SPRYD4: variants seen among roughly 807,000 people sequenced by gnomAD.
SPRYD4 encodes the protein SPRY domain containing 4.
In SPRYD4, 12 loss-of-function variants were observed where a neutral mutation model predicts 16.6. The observed-to-expected ratio is 0.72, with a 90% confidence interval of 0.46 to 1.17. SPRYD4 has a LOEUF of 1.17. Among genes scored for constraint, SPRYD4 ranks in the 50% most tolerant of loss-of-function variants. The pLI is 0.00. For synonymous variants in SPRYD4, 98 were observed against 105.4 expected (o/e 0.93, Z 0.43); for missense variants, 260 against 260.2 (o/e 1.00, Z 0.00).
Position 56,469,440 on chromosome 12 carries a change from A to G in SPRYD4, c.487A>G (p.Ser163Gly), listed in dbSNP as rs764868234. The change falls in exon 2 of 2, where the codon AGC becomes GGC. Residue 163 changes from serine (S) to glycine (G), a missense_variant. Transcript: ENST00000338146. Reference protein sequence around the residue: ...LLLEYEAQKLSLVDVSQVSVV... With the variant: ...LLLEYEAQKLGLVDVSQVSVV... ...GCTGGAGTATGAGGCCCAGAAGCTG[A>G]GCCTGGTGGATGTGAGCCAGGTCTC... The G allele has an allele frequency of 1.9e-6, 3 of 1,613,810 alleles. No homozygotes were observed. Among genetic ancestry groups the G allele is most frequent in the Non-Finnish European group, 2.5e-6 (3 of 1,179,934 alleles).
Position 56,478,986 on chromosome 12 carries a change from G to GAAAAA in SPRYD4, c.*9425_*9429dup. ...GTGACAGAGCAAAACTCTGTCTCAG[G>GAAAAA]AAAAAAAAAAAAAAAAAAAATCTGG... On this transcript the variant is annotated 3_prime_UTR_variant, in exon 2 of 2. Transcript: ENST00000338146. The GAAAAA allele has an allele frequency of 8.9e-6, 12 of 1,354,478 alleles. No homozygotes were observed. Among genetic ancestry groups the GAAAAA allele is most frequent in the Admixed American group, 5.2e-5 (2 of 38,754 alleles). 83.9% of individuals were successfully genotyped at this position (1,354,478 alleles called of 1,614,324 possible).
At position 56,475,505 on chromosome 12, in the gene SPRYD4, A is replaced by G; in HGVS notation, c.*5928A>G. ...GGACTCAGAGGAAGCTGGAGGGCCA[A>G]AGTTCCCCTGGGATTTCTTCCTCCT... On this transcript the variant is annotated 3_prime_UTR_variant, in exon 2 of 2. Transcript: ENST00000338146. 3 of 1,076,426 alleles carry G rather than the reference A, an allele frequency of 2.8e-6. No homozygotes were observed. The highest frequency in any genetic ancestry group is 2.3e-5 in the Admixed American group (1 of 42,620). The allele number at this position is 1,076,426 out of a possible 1,614,324, so 66.7% of individuals were successfully genotyped here.
Position 56,473,346 on chromosome 12 carries a change from T to A in SPRYD4, c.*3769T>A. 2 of 1,613,156 alleles carry A rather than the reference T, an allele frequency of 1.2e-6. No homozygotes were observed. Among genetic ancestry groups the A allele is most frequent in the Non-Finnish European group, 1.7e-6 (2 of 1,179,344 alleles). On this transcript the variant is annotated 3_prime_UTR_variant, in exon 2 of 2. Transcript: ENST00000338146. ...CTAGAATTGTAAGCCAAATATATTG[T>A]TTATTTACTCCTTACACTTAGTAGG...
Position 56,475,874 on chromosome 12 carries a change from A to C in SPRYD4, c.*6297A>C. ...CACCTGGTAGTGGGGTTAGAGAGCCACTGGGGCAGCTGGAGAGGACAGCAT... is the reference window on the plus strand; with the variant it reads ...CACCTGGTAGTGGGGTTAGAGAGCCCCTGGGGCAGCTGGAGAGGACAGCAT... On this transcript the variant is annotated 3_prime_UTR_variant, in exon 2 of 2. Coordinates refer to ENST00000338146, the MANE Select transcript of SPRYD4 (RefSeq NM_207344.4). 3 of 1,550,344 alleles carry C rather than the reference A, an allele frequency of 1.9e-6. No individual in the cohort carries two copies. The highest frequency in any genetic ancestry group is 2.7e-6 in the Non-Finnish European group (3 of 1,122,556).
rs947110100 is a variant in SPRYD4 at position 56,478,838 on chromosome 12, C to T, written c.*9261C>T. On this transcript the variant is annotated 3_prime_UTR_variant, in exon 2 of 2. Transcript: ENST00000338146. ...CAAAACCCCATCTCTACTAAAAATA[C>T]AAAAATTAGTCGGGCATGGTGGTGT... The T allele has an allele frequency of 1.7e-5, 9 of 521,280 alleles. No individual in the cohort carries two copies. Among genetic ancestry groups the T allele is most frequent in the African/African-American group, 1.4e-4 (7 of 51,252 alleles). 32.3% of individuals were successfully genotyped at this position (521,280 alleles called of 1,614,324 possible).
rs1870126471 is a variant in SPRYD4 at position 56,479,652 on chromosome 12, TTATGTAA to T, written c.*10078_*10084del. The T allele has an allele frequency of 8.8e-7, 1 of 1,137,632 alleles. No homozygotes were observed. The highest frequency in any genetic ancestry group is 1.2e-6 in the Non-Finnish European group (1 of 847,676). The allele number at this position is 1,137,632 out of a possible 1,614,324, so 70.5% of individuals were successfully genotyped here. A position where few individuals can be genotyped will look rare whatever the true frequency, so the allele number is the denominator to read the frequency against. ...CTTATGATGAGTATTCATGTATAACTTATGTAATAAGTAATAAAATAAAATGAGGAAT... is the reference window on the plus strand; with the variant it reads ...CTTATGATGAGTATTCATGTATAACTTAAGTAATAAAATAAAATGAGGAAT... On this transcript the variant is annotated 3_prime_UTR_variant, in exon 2 of 2. Coordinates refer to ENST00000338146, the MANE Select transcript of SPRYD4 (RefSeq NM_207344.4).
In SPRYD4 at chr12:56,476,102, T is replaced by C. The variant is rs1869784021; in HGVS notation, c.*6525T>C. ...GCTGCTGCAAATGTGTTCAATTTTATAATGGCCCTTTTTTTATCCTTCTGA... is the reference window on the plus strand; with the variant it reads ...GCTGCTGCAAATGTGTTCAATTTTACAATGGCCCTTTTTTTATCCTTCTGA... On this transcript the variant is annotated 3_prime_UTR_variant, in exon 2 of 2. Coordinates refer to ENST00000338146, the MANE Select transcript of SPRYD4 (RefSeq NM_207344.4). The C allele has an allele frequency of 1.2e-6, 1 of 834,266 alleles. No homozygotes were observed. The allele number at this position is 834,266 out of a possible 1,614,324, so 51.7% of individuals were successfully genotyped here.
In SPRYD4 at chr12:56,477,943, G is replaced by A. The variant is rs753205050; in HGVS notation, c.*8366G>A. On this transcript the variant is annotated 3_prime_UTR_variant, in exon 2 of 2. Coordinates refer to ENST00000338146, the MANE Select transcript of SPRYD4 (RefSeq NM_207344.4). The stretch of plus-strand genomic sequence containing the variant: ...CTTGGTAGTGCTCACCTTCCTCATT[G>A]AGGGAGAGCTTGTTGTAGCGCAGGC... The A allele has an allele frequency of 6.2e-7, 1 of 1,613,216 alleles. No homozygotes were observed. The highest frequency in any genetic ancestry group is 8.5e-7 in the Non-Finnish European group (1 of 1,179,400).
In SPRYD4 at chr12:56,469,730, A is replaced by G. The variant is rs1248802737; in HGVS notation, c.*153A>G. On this transcript the variant is annotated 3_prime_UTR_variant, in exon 2 of 2. Coordinates refer to ENST00000338146, the MANE Select transcript of SPRYD4 (RefSeq NM_207344.4). ...ATCATGATCATCTTCCTCATCCCCT[A>G]CCTTGTGAAAGCTAGGCATACAGCC... 4 of 775,680 alleles carry G rather than the reference A, an allele frequency of 5.2e-6. No individual in the cohort carries two copies. The highest frequency in any genetic ancestry group is 3.8e-5 in the South Asian group (2 of 52,188). The allele number at this position is 775,680 out of a possible 1,614,324, so 48.0% of individuals were successfully genotyped here. A position where few individuals can be genotyped will look rare whatever the true frequency, so the allele number is the denominator to read the frequency against.
At position 56,474,185 on chromosome 12, in the gene SPRYD4, C is replaced by T. The variant is rs1592274039; in HGVS notation, c.*4608C>T. ...TCGGCTCAGTGCAACCTCTGCCTCC[C>T]AGGTTCAAGCACTTCTGCCTCAGCC... On this transcript the variant is annotated 3_prime_UTR_variant, in exon 2 of 2. Coordinates refer to ENST00000338146, the MANE Select transcript of SPRYD4 (RefSeq NM_207344.4). 3.6e-6 allele frequency: 1 copy of T among 275,432 alleles called. No homozygotes were observed. Among genetic ancestry groups the T allele is most frequent in the East Asian group, 1.1e-4 (1 of 8,946 alleles). 17.1% of individuals were successfully genotyped at this position (275,432 alleles called of 1,614,324 possible).
Position 56,472,051 on chromosome 12 carries a change from G to A in SPRYD4, c.*2474G>A. The A allele has an allele frequency of 6.5e-7, 1 of 1,533,162 alleles. No individual in the cohort carries two copies. The highest frequency in any genetic ancestry group is 9.0e-7 in the Non-Finnish European group (1 of 1,110,882). The allele number at this position is 1,533,162 out of a possible 1,614,324, so 95.0% of individuals were successfully genotyped here. ...TAACCTTGAGGGCACATATAATGAA[G>A]GTACTTTTGGTGAAAAAGAAAGGGT... On this transcript the variant is annotated 3_prime_UTR_variant, in exon 2 of 2. Coordinates refer to ENST00000338146, the MANE Select transcript of SPRYD4 (RefSeq NM_207344.4).
At position 56,472,851 on chromosome 12, in the gene SPRYD4, T is replaced by C; in HGVS notation, c.*3274T>C. 3.2e-6 allele frequency: 3 copies of C among 934,990 alleles called. No individual in the cohort carries two copies. 57.9% of individuals were successfully genotyped at this position (934,990 alleles called of 1,614,324 possible). ...TGGATGCTTAGTCCAAGGGTATTGC[T>C]GAAGTGTTATGGAATGTGCTACTCT... On this transcript the variant is annotated 3_prime_UTR_variant, in exon 2 of 2. Transcript: ENST00000338146.
At position 56,472,314 on chromosome 12, in the gene SPRYD4, AT is replaced by A. The variant is rs1428223962; in HGVS notation, c.*2740del. The A allele has an allele frequency of 1.2e-6, 1 of 845,768 alleles. No individual in the cohort carries two copies. Among genetic ancestry groups the A allele is most frequent in the Non-Finnish European group, 2.0e-6 (1 of 510,940 alleles). The allele number at this position is 845,768 out of a possible 1,614,324, so 52.4% of individuals were successfully genotyped here. ...AGAAAGTGAAACAGCCTATAGCCAG[AT>A]TTGTTGGCTCTGAATAATCTTTTTT... On this transcript the variant is annotated 3_prime_UTR_variant, in exon 2 of 2. Coordinates refer to ENST00000338146, the MANE Select transcript of SPRYD4 (RefSeq NM_207344.4).
Position 56,472,780 on chromosome 12 carries a change from T to C in SPRYD4, c.*3203T>C. The C allele has an allele frequency of 6.2e-7, 1 of 1,606,536 alleles. No individual in the cohort carries two copies. The highest frequency in any genetic ancestry group is 8.5e-7 in the Non-Finnish European group (1 of 1,173,260). On this transcript the variant is annotated 3_prime_UTR_variant, in exon 2 of 2. Coordinates refer to ENST00000338146, the MANE Select transcript of SPRYD4 (RefSeq NM_207344.4). Reference sequence around the variant, plus strand: ...GAACACAAATCATACCCACATGACATTAATTGAACTCACCTATGCCAGCTG... The same window carrying C: ...GAACACAAATCATACCCACATGACACTAATTGAACTCACCTATGCCAGCTG...
rs1350353911 is a variant in SPRYD4, at chr12:56,471,306, C to T, written c.*1729C>T. 3.2e-6 allele frequency: 2 copies of T among 633,076 alleles called. No individual in the cohort carries two copies. Among genetic ancestry groups the T allele is most frequent in the African/African-American group, 3.7e-5 (2 of 54,484 alleles). The allele number at this position is 633,076 out of a possible 1,614,324, so 39.2% of individuals were successfully genotyped here. A position where few individuals can be genotyped will look rare whatever the true frequency, so the allele number is the denominator to read the frequency against. On this transcript the variant is annotated 3_prime_UTR_variant, in exon 2 of 2. Coordinates refer to ENST00000338146, the MANE Select transcript of SPRYD4 (RefSeq NM_207344.4). The stretch of plus-strand genomic sequence containing the variant: ...GTGTCCTCTGAGGCCCTTCTCTGTA[C>T]TCTGTCTGCTGAGGGAATGGGGTAT...
In SPRYD4 at chr12:56,476,012, T is replaced by C; in HGVS notation, c.*6435T>C. 3 of 1,603,002 alleles carry C rather than the reference T, an allele frequency of 1.9e-6. No individual in the cohort carries two copies. The highest frequency in any genetic ancestry group is 2.6e-6 in the Non-Finnish European group (3 of 1,173,738). On this transcript the variant is annotated 3_prime_UTR_variant, in exon 2 of 2. Coordinates refer to ENST00000338146, the MANE Select transcript of SPRYD4 (RefSeq NM_207344.4). ...AAGAGAGAGATGTCAGCATTCTAAGTGTAGGAGGATGACAGAGGGAAGGGT... is the reference window on the plus strand; with the variant it reads ...AAGAGAGAGATGTCAGCATTCTAAGCGTAGGAGGATGACAGAGGGAAGGGT...
Position 56,472,094 on chromosome 12 carries a change from C to G in SPRYD4, c.*2517C>G. 1 of 1,610,634 alleles carries G rather than the reference C, an allele frequency of 6.2e-7. No homozygotes were observed. Among genetic ancestry groups the G allele is most frequent in the Non-Finnish European group, 8.5e-7 (1 of 1,177,160 alleles). ...GAAAGGGTCTTATGATTACCCTCCT[C>G]CTCCCCTCCTTAACCCTTCAGTACC... On this transcript the variant is annotated 3_prime_UTR_variant, in exon 2 of 2. Transcript: ENST00000338146.
chr12:56,477,899 C>T lies in SPRYD4; in HGVS notation c.*8322C>T, dbSNP rs891591079. 7 of 1,599,120 alleles carry T rather than the reference C, an allele frequency of 4.4e-6. No homozygotes were observed. The African/African-American group carries it at 8.0e-5, about 18-fold the overall frequency. ...GGTGGGGATAAGGAGAAGGGGACAG[C>T]TGTAAGTACGGTCTGAGCCTTGGTA... On this transcript the variant is annotated 3_prime_UTR_variant, in exon 2 of 2. Transcript: ENST00000338146.
chr12:56,475,156 G>A lies in SPRYD4; in HGVS notation c.*5579G>A. The stretch of plus-strand genomic sequence containing the variant: ...AGTACTTGAAGTTGGAGGAGTGGGT[G>A]TTGGGAGAAGGGGAAAAATTACCTT... On this transcript the variant is annotated 3_prime_UTR_variant, in exon 2 of 2. Transcript: ENST00000338146. 2 of 1,612,186 alleles carry A rather than the reference G, an allele frequency of 1.2e-6. No homozygotes were observed. The highest frequency in any genetic ancestry group is 1.6e-4 in the Middle Eastern group (1 of 6,062).
Sources: allele counts gnomAD v4.1 joint callset, GRCh38; gene constraint gnomAD v4.1.1; transcripts MANE v1.5; gene names NCBI Gene and HGNC (gene_info 2026-07-23, HGNC 2026-07-21).